The following TEDC2 variants were observed in gnomAD, a reference collection of about 807,000 sequenced individuals.
The protein encoded by TEDC2 is tubulin epsilon and delta complex 2, also known as tubulin epsilon and delta complex protein 2.
Under a neutral mutation model 48.1 loss-of-function variants are expected in TEDC2, and 49 were observed. The ratio of observed to expected loss-of-function variants is 1.02; its 90% CI spans 0.81 to 1.29. The LOEUF is 1.29. Among genes scored for constraint, TEDC2 ranks in the 50% most tolerant of loss-of-function variants. The pLI, the probability that TEDC2 is intolerant of heterozygous loss-of-function variation, is 0.00. For missense variants in TEDC2, 631 were observed against 571.4 expected (o/e 1.10, Z -1.06); for synonymous variants, 299 against 247.1 (o/e 1.21, Z -1.97).
In TEDC2 at chr16:2,461,222, G is replaced by A. The variant is rs1373647609; in HGVS notation, c.603G>A (p.Lys201=). The A allele has an allele frequency of 2.7e-6, 4 of 1,467,360 alleles. No homozygotes were observed. Among genetic ancestry groups the A allele is most frequent in the South Asian group, 1.4e-5 (1 of 69,810 alleles). 90.9% of individuals were successfully genotyped at this position (1,467,360 alleles called of 1,614,324 possible). The stretch of plus-strand genomic sequence containing the variant: ...CAGAAGCCTTCACACTCAAGGAGAA[G>A]GGGTAGGTTTCCCGGACCCTCACTG... ...QAPEAFTLKE[K]GHLLRLPAAF... Residue 201 remains lysine (K), a splice_region_variant and synonymous_variant, in exon 4 of 10, where the codon AAG becomes AAA. Coordinates refer to ENST00000361837, the MANE Select transcript of TEDC2 (RefSeq NM_025108.3).
At chr16:2,463,511 C>T (rs2065480459) in intron 8 of TEDC2, among the ~76,000 whole-genome samples, 1 of 151,804 alleles carries the variant, frequency 6.6e-6, no homozygotes, top group African/African-American at 2.4e-5. Context: ...CCTGTAATCC[C>T]AGCTACTTGG....
At chr16:2,461,258 T>G in intron 4 of TEDC2, 34 bp downstream of exon 4, 5 of 1,440,112 alleles carry the variant, frequency 3.5e-6, no homozygotes, top group East Asian at 2.5e-5. Flanking sequence ...GAGGGACTTC[T>G]GTCTCTGCCT....
rs960618535 is a variant in TEDC2, at chr16:2,464,224, GA to G, written c.1154del (p.Lys385ArgfsTer3). On this transcript the variant is annotated frameshift_variant, in exon 9 of 10. Coordinates refer to ENST00000361837, the MANE Select transcript of TEDC2 (RefSeq NM_025108.3). LOFTEE classifies it low-confidence loss of function (END_TRUNC). Reference protein sequence around the residue: ...VAVLDQQIHLEKVLMAELLPL... With the variant: ...VAVLDQQIHLXKVLMAELLPL... ...TGTGCTGGACCAGCAGATCCACTTG[GA>G]AAAGGTGCTTCTGGAAGAGGAGGTG... 3 of 1,611,586 alleles carry G rather than the reference GA, an allele frequency of 1.9e-6. No homozygotes were observed. Among genetic ancestry groups the G allele is most frequent in the Admixed American group, 3.3e-5 (2 of 59,794 alleles).
chr16:2,464,389 G>A (rs1490511405), intron 9 of TEDC2, 133 bp from the exon 10 acceptor site: 2 of 1,322,404 alleles, frequency 1.5e-6, no homozygotes. Flanking sequence ...GACGGGGCTG[G>A]GACGGCAGGA....
Position 2,462,671 on chromosome 16 carries a change from G to A in TEDC2, c.903G>A (p.Thr301=), listed in dbSNP as rs775311535. The A allele has an allele frequency of 2.0e-5, 31 of 1,546,778 alleles. No homozygotes were observed. In the Admixed American group the frequency reaches 3.7e-4, roughly 19 times the overall value. ...TGCAGGAGTACCGCTGCCTGCTCAC[G>A]CTGGAGGGGCTGCAGGCCATGGTGG... ...DWMQEYRCLL[T]LEGLQAMVGQ... is the part of the protein sequence containing the mutation. Residue 301 remains threonine, a synonymous_variant, in exon 8 of 10, where the codon ACG becomes ACA. Coordinates refer to ENST00000361837, the MANE Select transcript of TEDC2 (RefSeq NM_025108.3).
Position 2,460,167 on chromosome 16 carries a change from G to T in TEDC2, c.23G>T (p.Arg8Leu). The T allele has an allele frequency of 7.4e-7, 1 of 1,351,786 alleles. No individual in the cohort carries two copies. The highest frequency in any genetic ancestry group is 1.8e-5 in the South Asian group (1 of 54,298). 83.7% of individuals were successfully genotyped at this position (1,351,786 alleles called of 1,614,324 possible). A position where few individuals can be genotyped will look rare whatever the true frequency, so the allele number is the denominator to read the frequency against. Residue 8 changes from arginine to leucine, a missense_variant, in exon 1 of 10, where the codon CGC becomes CTC. Physicochemically the swap from Arg to Leu is moderately radical, Grantham distance 102. Transcript: ENST00000361837. MLPAGCS[R>L]RLVAELQGAL... ...TTCATGCTGCCGGCGGGCTGCTCGC[G>T]CCGGTGAGGCCTGCGCGGCAGGAGG...
chr16:2,460,861 C>T lies in TEDC2; in HGVS notation c.242C>T (p.Thr81Ile), dbSNP rs1261210495. 6.2e-7 allele frequency: 1 copy of T among 1,613,308 alleles called. No homozygotes were observed. The highest frequency in any genetic ancestry group is 8.5e-7 in the Non-Finnish European group (1 of 1,179,974). Residue 81 changes from threonine (T) to isoleucine (I), a missense_variant, in exon 4 of 10, where the codon ACC (threonine) becomes ATC (isoleucine). Coordinates refer to ENST00000361837, the MANE Select transcript of TEDC2 (RefSeq NM_025108.3). ...PQDLKELEFLTQALEKAVRVR... is the reference protein window; with the variant it reads ...PQDLKELEFLIQALEKAVRVR... ...GACCTCAAAGAGTTGGAGTTTCTGACCCAGGCACTGGAGAAGGCTGTACGA... is the reference window on the plus strand; with the variant it reads ...GACCTCAAAGAGTTGGAGTTTCTGATCCAGGCACTGGAGAAGGCTGTACGA...
chr16:2,461,838 G>A (rs372850122), intron 5 of TEDC2, 38 bp downstream of exon 5: 6 of 1,610,912 alleles, frequency 3.7e-6, no homozygotes, highest in Non-Finnish European at 5.1e-6. Flanking sequence ...GGGTAGGGGA[G>A]AACCGGGAGG....
chr16:2,461,026 CGA>C lies in TEDC2; in HGVS notation c.410_411del (p.Arg137ThrfsTer17), dbSNP rs1567394980. 3.7e-6 allele frequency: 6 copies of C among 1,612,314 alleles called. No homozygotes were observed. The highest frequency in any genetic ancestry group is 5.1e-6 in the Non-Finnish European group (6 of 1,179,468). The stretch of plus-strand genomic sequence containing the variant: ...CAAGCTGGTGGCCATGCTTCAGACA[CGA>C]GACCCACCAAGGGCCTCCGCCAGAC... On this transcript the variant is annotated frameshift_variant, in exon 4 of 10. Coordinates refer to ENST00000361837, the MANE Select transcript of TEDC2 (RefSeq NM_025108.3). LOFTEE classifies it high-confidence loss of function.
chr16:2,462,684 C>G lies in TEDC2; in HGVS notation c.916C>G (p.Gln306Glu), dbSNP rs1412862619. The part of the protein sequence containing the change: ...YRCLLTLEGL[Q>E]AMVGQCLHRL... ...CTGCCTGCTCACGCTGGAGGGGCTG[C>G]AGGCCATGGTGGGCCAGTGTCTGCA... is the stretch of plus-strand genomic sequence containing the variant. Residue 306 changes from glutamine (Q) to glutamate (E), a missense_variant, in exon 8 of 10, where the codon CAG becomes GAG. Physicochemically the swap from Gln to Glu is conservative, Grantham distance 29 (BLOSUM62 2). Transcript: ENST00000361837. The G allele has an allele frequency of 6.5e-7, 1 of 1,546,108 alleles. No homozygotes were observed. Among genetic ancestry groups the G allele is most frequent in the Admixed American group, 2.0e-5 (1 of 51,024 alleles).
chr16:2,461,027 G>A lies in TEDC2; in HGVS notation c.408G>A (p.Thr136=), dbSNP rs778720366. Residue 136 remains threonine, a synonymous_variant, in exon 4 of 10, where the codon ACG becomes ACA. Coordinates refer to ENST00000361837, the MANE Select transcript of TEDC2 (RefSeq NM_025108.3). ...PGQAGGHASD[T]RPTKGLRQTT... The stretch of plus-strand genomic sequence containing the variant: ...AAGCTGGTGGCCATGCTTCAGACAC[G>A]AGACCCACCAAGGGCCTCCGCCAGA... 5.6e-6 allele frequency: 9 copies of A among 1,612,376 alleles called. No homozygotes were observed. Among genetic ancestry groups the A allele is most frequent in the South Asian group, 1.1e-5 (1 of 91,048 alleles).
Position 2,462,211 on chromosome 16 carries a change from C to G in TEDC2, c.722C>G (p.Thr241Ser). 6.2e-7 allele frequency: 1 copy of G among 1,613,448 alleles called. No homozygotes were observed. Among genetic ancestry groups the G allele is most frequent in the Non-Finnish European group, 8.5e-7 (1 of 1,180,024 alleles). Reference protein sequence around the residue: ...SDSTDAAAAKTQFLQNMQTAS... With the variant: ...SDSTDAAAAKSQFLQNMQTAS... The stretch of plus-strand genomic sequence containing the variant: ...TCCACGGATGCCGCCGCTGCCAAAA[C>G]CCAGTTCCTCCAGAACATGCAGACA... Residue 241 changes from threonine (T) to serine (S), a missense_variant, in exon 6 of 10, where the codon ACC becomes AGC. Physicochemically the swap from Thr to Ser is moderately conservative, Grantham distance 58. Transcript: ENST00000361837.
chr16:2,461,324 C>A, intron 4 of TEDC2, 100 bp downstream of exon 4: 1 of 1,369,446 alleles, frequency 7.3e-7, no homozygotes, highest in Non-Finnish European at 9.6e-7. Context: ...GAAGGCAGGG[C>A]ATCGAGCCCT....
At chr16:2,461,998 CTCTGGAGG>C in intron 5 of TEDC2, 143 bp from the exon 6 acceptor site, 3 of 1,072,446 alleles carry the variant, frequency 2.8e-6, no homozygotes, top group Non-Finnish European at 4.0e-6. Flanking sequence ...TCCCTGCGGC[CTCTGGAGG>C]CCCCTCCTGG....
At chr16:2,461,647 G>A in intron 4 of TEDC2, 100 bp from the exon 5 acceptor site, 2 of 1,447,668 alleles carry the variant, frequency 1.4e-6, no homozygotes, top group Non-Finnish European at 1.9e-6. Flanking sequence ...TGTGGGAGAG[G>A]GGCAAGAAGC....
rs758851228 is a variant in TEDC2 at position 2,460,336 on chromosome 16, A to T, written c.80A>T (p.Gln27Leu). 1.3e-6 allele frequency: 2 copies of T among 1,541,524 alleles called. No individual in the cohort carries two copies. The highest frequency in any genetic ancestry group is 1.7e-6 in the Non-Finnish European group (2 of 1,145,390). Residue 27 changes from glutamine (Q) to leucine (L), a missense_variant, in exon 2 of 10, where the codon CAA becomes CTA. By Grantham distance (113) the Gln-to-Leu change is moderately radical (BLOSUM62 -2). Coordinates refer to ENST00000361837, the MANE Select transcript of TEDC2 (RefSeq NM_025108.3). ...ALDACAQRQL[Q>L]LEQSLRVCRR... ...GACGCCTGCGCACAGCGACAATTGCAATTGGAGCAGAGCCTGCGCGTTTGC... is the reference window on the plus strand; with the variant it reads ...GACGCCTGCGCACAGCGACAATTGCTATTGGAGCAGAGCCTGCGCGTTTGC...
chr16:2,464,180 C>T lies in TEDC2; in HGVS notation c.1106C>T (p.Ala369Val). The T allele has an allele frequency of 6.2e-7, 1 of 1,612,494 alleles. No homozygotes were observed. Among genetic ancestry groups the T allele is most frequent in the Non-Finnish European group, 8.5e-7 (1 of 1,179,814 alleles). Reference protein sequence around the residue: ...SSTQELQTLAALKLRVAVLDQ... With the variant: ...SSTQELQTLAVLKLRVAVLDQ... ...ACCCAGGAGCTGCAGACCCTGGCGG[C>T]CCTCAAGCTGCGAGTGGCTGTGCTG... The change falls in exon 9 of 10, where the codon GCC becomes GTC. Residue 369 changes from alanine (A) to valine (V), a missense_variant. Coordinates refer to ENST00000361837, the MANE Select transcript of TEDC2 (RefSeq NM_025108.3).
intron 2 of TEDC2, 54 bp from the exon 3 acceptor site, chr16:2,460,569 G>A: frequency 2.5e-6 from 4 of 1,607,710 alleles, no homozygotes; most frequent in Non-Finnish European, 2.5e-6. Flanking sequence ...CCTCGGGTCT[G>A]TTTGGGCTGG....
In TEDC2 at chr16:2,460,615, C is replaced by T. The variant is rs1220223264; in HGVS notation, c.126-8C>T. 2.5e-6 allele frequency: 4 copies of T among 1,612,810 alleles called. 1 individual carries two copies. Among genetic ancestry groups the T allele is most frequent in the Admixed American group, 1.7e-5 (1 of 60,014 alleles). On this transcript the variant is annotated splice_polypyrimidine_tract_variant and splice_region_variant and intron_variant, in intron 2 of 9. Transcript: ENST00000361837. ...CTGGCCGTGCGACGGCTGCCCGTGT[C>T]TTTGCAGGGAACCAACTGGGACCCG...
Sources: gnomAD v4.1 joint callset for allele counts (sites outside exome capture counted in the v4.1 genomes callset) on GRCh38, gnomAD v4.1.1 for gene constraint, MANE v1.5 for transcripts, NCBI Gene and HGNC (gene_info 2026-07-23, HGNC 2026-07-21) for gene names.